Variants in TENM2 observed in about 807,000 individuals in gnomAD.
TENM2 encodes the protein teneurin-2.
In TENM2, 52 loss-of-function variants were observed where a neutral mutation model predicts 245.2. That is an observed-to-expected ratio of 0.21 (90% CI 0.17 to 0.27). TENM2 has a LOEUF of 0.27. TENM2 is among the 10% of genes least tolerant of loss of function. TENM2 has a pLI of 1.00. For synonymous variants in TENM2, 1,363 were observed against 1,438.9 expected (o/e 0.95, Z 1.19); for missense variants, 3,046 against 3,666.8 (o/e 0.83, Z 4.37).
intron 2 of TENM2, among the ~76,000 whole-genome samples, chr5:167,609,738 C>T (rs1419859491): frequency 1.3e-5 from 2 of 152,014 alleles, no homozygotes; most frequent in African/African-American, 2.4e-5. Flanking sequence ...GCCACTTTGG[C>T]TCTTTGATGA....
At chr5:167,313,799 T>G (rs1472247289) in intron 1 of TENM2, among the ~76,000 whole-genome samples, 1 of 152,204 alleles carries the variant, frequency 6.6e-6, no homozygotes, top group East Asian at 1.9e-4. Flanking sequence ...TATGTAGTCA[T>G]TTTAATTCCA....
intron 2 of TENM2, among the ~76,000 whole-genome samples, chr5:167,474,082 C>T (rs1029261839): frequency 8.5e-5 from 13 of 152,094 alleles, no homozygotes; most frequent in African/African-American, 1.9e-4. Flanking sequence ...TTCAAGGAAA[C>T]GCCTACCCCA....
chr5:167,918,774 C>CTTT (rs36028538), intron 3 of TENM2, among the ~76,000 whole-genome samples: 37 of 141,098 alleles, frequency 2.6e-4, no homozygotes, highest in African/African-American at 6.5e-4. Flanking sequence ...TATTTTTCTC[C>CTTT]TTTTTTTTTT....
chr5:167,363,802 C>T (rs1759869470), intron 1 of TENM2, among the ~76,000 whole-genome samples: 1 of 149,450 alleles, frequency 6.7e-6, no homozygotes, highest in Admixed American at 6.7e-5. Flanking sequence ...TAAGTGTGAG[C>T]AAGTCCATAA....
At chr5:167,602,978 T>A (rs1416765244) in intron 2 of TENM2, among the ~76,000 whole-genome samples, 1 of 152,188 alleles carries the variant, frequency 6.6e-6, no homozygotes, top group African/African-American at 2.4e-5. Flanking sequence ...AAGCCTGCCA[T>A]GGGAATAGCT....
At chr5:167,267,729 G>A in the TENM2 span, among the ~76,000 whole-genome samples, 6 of 152,258 alleles carry the variant, frequency 3.9e-5, no homozygotes, top group African/African-American at 7.2e-5. Context: ...GCTAATGGCC[G>A]TAAAAATATA....
chr5:167,424,987 A>G (rs919095567), intron 2 of TENM2, among the ~76,000 whole-genome samples: 47 of 152,212 alleles, frequency 3.1e-4, no homozygotes, highest in African/African-American at 1.1e-3. Context: ...CACAAATGCA[A>G]TAAATATTTG....
rs140154974 is a variant in TENM2 at position 168,101,302 on chromosome 5, C to T, written c.1813+3175C>T. 8.2e-3 allele frequency among the ~76,000 whole-genome samples: 1,246 copies of T among 152,240 alleles called. 16 individuals carry two copies. Among genetic ancestry groups the T allele is most frequent in the African/African-American group, 0.029 (1,195 of 41,528 alleles). ...CAAATGGGCTGAACCCTCAGCCGCACGGCCCGTGAGCTGTAAATGTATATT... is the reference window on the plus strand; with the variant it reads ...CAAATGGGCTGAACCCTCAGCCGCATGGCCCGTGAGCTGTAAATGTATATT... On this transcript the variant is annotated intron_variant, in intron 9 of 28. Transcript: ENST00000518659.
At chr5:167,387,086 A>G (rs539954971) in intron 2 of TENM2, among the ~76,000 whole-genome samples, 12 of 152,208 alleles carry the variant, frequency 7.9e-5, no homozygotes, top group Admixed American at 7.2e-4. Context: ...GAATTTGTAG[A>G]TTGCTTTCAG....
chr5:167,817,675 A>G (rs1767170920), intron 2 of TENM2, among the ~76,000 whole-genome samples: 1 of 152,212 alleles, frequency 6.6e-6, no homozygotes, highest in Non-Finnish European at 1.5e-5. Context: ...AAAAAGTTAA[A>G]TATGGGTCAT....
At chr5:167,453,751 A>G (rs927983344) in intron 2 of TENM2, among the ~76,000 whole-genome samples, 6 of 152,196 alleles carry the variant, frequency 3.9e-5, no homozygotes, top group Non-Finnish European at 8.8e-5. Context: ...AATTGAGCCA[A>G]TGTGTAAACA....
chr5:167,435,165 G>A (rs1204722103), intron 2 of TENM2, among the ~76,000 whole-genome samples: 3 of 152,080 alleles, frequency 2.0e-5, no homozygotes, highest in Non-Finnish European at 4.4e-5. Flanking sequence ...GGGGGGAAAG[G>A]AATAATGTAA....
the TENM2 span, among the ~76,000 whole-genome samples, chr5:167,089,519 G>A: frequency 6.6e-6 from 1 of 152,210 alleles, no homozygotes; most frequent in East Asian, 1.9e-4. Flanking sequence ...CTCTTTCAAA[G>A]AATTAACATG....
intron 2 of TENM2, among the ~76,000 whole-genome samples, chr5:167,632,997 A>G (rs1364222828): frequency 6.6e-6 from 1 of 152,204 alleles, no homozygotes; most frequent in Non-Finnish European, 1.5e-5. Flanking sequence ...GGAGAAATTG[A>G]GAACACTTGC....
At chr5:167,691,211 T>A (rs971234046) in intron 2 of TENM2, among the ~76,000 whole-genome samples, 6 of 152,114 alleles carry the variant, frequency 3.9e-5, no homozygotes, top group African/African-American at 1.4e-4. Flanking sequence ...ACACTTGTGA[T>A]TTTCCTCCCT....
At chr5:167,259,060 G>A in the TENM2 span, among the ~76,000 whole-genome samples, 20 of 152,242 alleles carry the variant, frequency 1.3e-4, no homozygotes, top group South Asian at 1.7e-3. Context: ...GATTCAATAG[G>A]CCTGGGATGG....
At chr5:167,168,047 C>A in the TENM2 span, among the ~76,000 whole-genome samples, 1 of 152,146 alleles carries the variant, frequency 6.6e-6, no homozygotes, top group Non-Finnish European at 1.5e-5. Context: ...CTGAAACAGT[C>A]TTAATCAGGG....
At chr5:167,288,159 G>A (rs1754401791) in intron 1 of TENM2, among the ~76,000 whole-genome samples, 1 of 152,144 alleles carries the variant, frequency 6.6e-6, no homozygotes, top group Admixed American at 6.5e-5. Context: ...TTCTGCTTTT[G>A]CATGTGTATG....
the TENM2 span, among the ~76,000 whole-genome samples, chr5:167,082,122 A>C: frequency 4.6e-5 from 7 of 152,182 alleles, no homozygotes; most frequent in Non-Finnish European, 5.9e-5. Context: ...GCTGGGCATA[A>C]AGTGAGCATT....
Sources: allele counts gnomAD v4.1 joint callset (sites outside exome capture counted in the v4.1 genomes callset), GRCh38; gene constraint gnomAD v4.1.1; transcripts MANE v1.5; gene names NCBI Gene and HGNC (gene_info 2026-07-23, HGNC 2026-07-21).